Variants in TTC39A observed in about 807,000 individuals in gnomAD.
TTC39A encodes tetratricopeptide repeat domain 39A.
Under a neutral mutation model 82.3 loss-of-function variants are expected in TTC39A, and 46 were observed. The ratio of observed to expected loss-of-function variants is 0.56; its 90% CI spans 0.44 to 0.71. The LOEUF (loss-of-function observed/expected upper bound fraction) is 0.71. Among genes scored for constraint, TTC39A ranks in the 30% least tolerant of loss-of-function variants. The probability of loss-of-function intolerance (pLI) is 0.00; values close to 1 mark genes in which losing one functional copy is unlikely to be tolerated. For synonymous variants in TTC39A, 254 were observed against 275.2 expected (o/e 0.92, Z 0.76); for missense variants, 543 against 712.9 (o/e 0.76, Z 2.71).
At chr1:51,303,536 G>A (rs573893560) in intron 8 of TTC39A, among the ~76,000 whole-genome samples, 4 of 152,318 alleles carry the variant, frequency 2.6e-5, no homozygotes, top group Admixed American at 6.5e-5. Flanking sequence ...GGAGAGACAC[G>A]GAGGTGGATG....
intron 1 of TTC39A, among the ~76,000 whole-genome samples, chr1:51,322,750 C>A (rs144723415): frequency 6.6e-6 from 1 of 152,252 alleles, no homozygotes; most frequent in Non-Finnish European, 1.5e-5. Flanking sequence ...TCTCAAGGGG[C>A]CTCCTTTGAG....
chr1:51,331,030 A>G (rs1645898583), upstream of TTC39A: 8 of 776,430 alleles, frequency 1.0e-5, no homozygotes, highest in South Asian at 1.2e-4. Context: ...CGGGGAAAAC[A>G]CGGTTTAGCA....
intron 1 of TTC39A, among the ~76,000 whole-genome samples, chr1:51,340,770 G>A (rs143739585): frequency 1.3e-3 from 193 of 152,278 alleles, no homozygotes; most frequent in African/African-American, 4.5e-3. Flanking sequence ...AATCCTGGGA[G>A]GTGAGTCCTA....
At chr1:51,315,005 AC>A (rs1645231445) in intron 2 of TTC39A, among the ~76,000 whole-genome samples, 2 of 151,782 alleles carry the variant, frequency 1.3e-5, no homozygotes, top group Admixed American at 6.6e-5. Flanking sequence ...CAGCACACAG[AC>A]CCATCCCCCA....
In TTC39A at chr1:51,301,671, C is replaced by T; in HGVS notation, c.954G>A (p.Met318Ile). The change falls in exon 12 of 18, where the codon ATG (methionine) becomes ATA (isoleucine). Residue 318 changes from methionine (M) to isoleucine (I), a missense_variant. Coordinates refer to ENST00000680483, the MANE Select transcript of TTC39A (RefSeq NM_001297663.2). ...AQQHWKQFHH[M>I]CYWELMWCFT... ...AGCACCACATCAGCTCCCAGTAGCA[C>T]ATGTGGTGGAACTGCTTCCAGTGCT... 6.2e-7 allele frequency: 1 copy of T among 1,613,742 alleles called. No homozygotes were observed. Among genetic ancestry groups the T allele is most frequent in the Non-Finnish European group, 8.5e-7 (1 of 1,179,644 alleles).
intron 1 of TTC39A, among the ~76,000 whole-genome samples, chr1:51,323,208 C>T (rs1180013348): frequency 6.6e-6 from 1 of 152,178 alleles, no homozygotes; most frequent in Non-Finnish European, 1.5e-5. Flanking sequence ...ATCTTTGCCA[C>T]ATCCCTTCTC....
At chr1:51,313,994 C>T (rs1421159728) in intron 2 of TTC39A, among the ~76,000 whole-genome samples, 1 of 152,248 alleles carries the variant, frequency 6.6e-6, no homozygotes, top group Non-Finnish European at 1.5e-5. Flanking sequence ...GCTGAACTGA[C>T]ATCAGCATAG....
chr1:51,331,306 G>C (rs1046899140), upstream of TTC39A: 1 of 1,541,236 alleles, frequency 6.5e-7, no homozygotes, highest in South Asian at 1.2e-5. Context: ...TGTGCACCGA[G>C]CCCTGAGGCG....
intron 2 of TTC39A, among the ~76,000 whole-genome samples, chr1:51,319,591 C>T (rs886911215): frequency 1.3e-5 from 2 of 152,090 alleles, no homozygotes; most frequent in African/African-American, 2.4e-5. Context: ...GTTCTCACAG[C>T]TACAGTAAAT....
At chr1:51,296,002 G>A (rs1296113018) in intron 13 of TTC39A, 77 bp downstream of exon 13, 6 of 1,492,522 alleles carry the variant, frequency 4.0e-6, no homozygotes, top group Non-Finnish European at 5.5e-6. Context: ...ACAGCTCAGG[G>A]TGGCCTGGCT....
intron 12 of TTC39A, 136 bp downstream of exon 12, chr1:51,301,436 G>C (rs1644651409): frequency 4.3e-6 from 5 of 1,169,640 alleles, no homozygotes; most frequent in Non-Finnish European, 5.9e-6. Flanking sequence ...TTCCAAGCCT[G>C]AGTCCTATTA....
chr1:51,330,667 G>T (rs1446827722), upstream of TTC39A: 2 of 972,004 alleles, frequency 2.1e-6, no homozygotes, highest in Non-Finnish European at 2.4e-6. This position sits in a 1 kb window ranked among gnomAD's most constrained non-coding sequence, Gnocchi z 4.5. Context: ...GGCCATGGCC[G>T]CCCGCGGCGA....
chr1:51,305,287 A>G (rs977423370), intron 7 of TTC39A, 141 bp from the exon 8 acceptor site: 8 of 744,400 alleles, frequency 1.1e-5, no homozygotes, highest in South Asian at 4.8e-5. Flanking sequence ...CCTCTAGCCA[A>G]TGTTTTCCAA....
At position 51,290,050 on chromosome 1, in the gene TTC39A, C is replaced by A; in HGVS notation, c.1448G>T (p.Gly483Val). ...LLKGLCLKYLGRVQEAEENFR... is the reference protein window; with the variant it reads ...LLKGLCLKYLVRVQEAEENFR... ...ATTCTCCTCGGCCTCCTGGACACGG[C>A]CCAGGTATTTCAGACACAGGCCTTT... is the stretch of plus-strand genomic sequence containing the variant. The change falls in exon 16 of 18, where the codon GGC becomes GTC. Residue 483 changes from glycine to valine, a missense_variant. Gly to Val is a moderately radical substitution (Grantham distance 109, BLOSUM62 -3). Transcript: ENST00000680483. The A allele has an allele frequency of 6.2e-7, 1 of 1,613,930 alleles. No individual in the cohort carries two copies.
chr1:51,289,998 C>T lies in TTC39A; in HGVS notation c.1493+7G>A, dbSNP rs2148100750. 1.2e-6 allele frequency: 2 copies of T among 1,610,338 alleles called. No individual in the cohort carries two copies. Among genetic ancestry groups the T allele is most frequent in the East Asian group, 2.2e-5 (1 of 44,860 alleles). ...GACCCAGAAGGAGCAGCTGCAGAGG[C>T]ACTTACTTGGCAGAGATGCTCCTAA... On this transcript the variant is annotated splice_region_variant and intron_variant, in intron 16 of 17. Coordinates refer to ENST00000680483, the MANE Select transcript of TTC39A (RefSeq NM_001297663.2).
chr1:51,321,618 A>G lies in TTC39A; in HGVS notation c.146+103T>C, dbSNP rs1421322768. ...TTCTCAGAGGTCCTGGTGACCCAGAAAGCCAAAGGCATTTAGTTACACAGG... is the reference window on the plus strand; with the variant it reads ...TTCTCAGAGGTCCTGGTGACCCAGAGAGCCAAAGGCATTTAGTTACACAGG... On this transcript the variant is annotated intron_variant, in intron 2 of 17. Coordinates refer to ENST00000680483, the MANE Select transcript of TTC39A (RefSeq NM_001297663.2). This position sits in a 1 kb window ranked among gnomAD's most constrained non-coding sequence, Gnocchi z 4.6. 2.7e-6 allele frequency: 3 copies of G among 1,099,920 alleles called. No individual in the cohort carries two copies. The highest frequency in any genetic ancestry group is 2.1e-5 in the Admixed American group (1 of 47,986). 68.1% of individuals were successfully genotyped at this position (1,099,920 alleles called of 1,614,324 possible). A position where few individuals can be genotyped will look rare whatever the true frequency, so the allele number is the denominator to read the frequency against.
chr1:51,339,933 AGGAGGTGGGCCCTTTG>A (rs1646014898), intron 1 of TTC39A, among the ~76,000 whole-genome samples: 1 of 152,184 alleles, frequency 6.6e-6, no homozygotes, highest in African/African-American at 2.4e-5. Flanking sequence ...TGATGGTATT[AGGAGGTGGGCCCTTTG>A]GGAGGTGATT....
intron 16 of TTC39A, 55 bp downstream of exon 16, chr1:51,289,950 G>C: frequency 6.7e-7 from 1 of 1,492,594 alleles, no homozygotes; most frequent in South Asian, 1.3e-5. Flanking sequence ...GAGAAGCCCT[G>C]AATATTCTAC....
At chr1:51,311,429 GCACCT>G (rs1372449664) in intron 4 of TTC39A, 108 bp from the exon 5 acceptor site, 3 of 978,518 alleles carry the variant, frequency 3.1e-6, no homozygotes, top group Non-Finnish European at 4.5e-6. Flanking sequence ...ACCTATGTCA[GCACCT>G]CTCCTGTCCC....
Sources: gnomAD v4.1 joint callset for allele counts (sites outside exome capture counted in the v4.1 genomes callset) on GRCh38, gnomAD v4.1.1 for gene constraint, Gnocchi (gnomAD v3.1) non-coding constraint, MANE v1.5 for transcripts, NCBI Gene and HGNC (gene_info 2026-07-23, HGNC 2026-07-21) for gene names.